Variants in ADAM23 observed in about 807,000 individuals in gnomAD.
ADAM23 encodes the protein disintegrin and metalloproteinase domain-containing protein 23.
A neutral mutation model predicts 120.1 loss-of-function variants in ADAM23; 33 were observed. The ratio of observed to expected loss-of-function variants is 0.27; its 90% CI spans 0.21 to 0.37. The LOEUF is 0.37. ADAM23 is among the 10% of genes least tolerant of loss of function. The probability of loss-of-function intolerance (pLI) is 1.00; values close to 1 mark genes in which losing one functional copy is unlikely to be tolerated. For synonymous variants in ADAM23, 367 were observed against 375.2 expected (o/e 0.98, Z 0.25); for missense variants, 862 against 1,058.2 (o/e 0.81, Z 2.57).
chr2:206,612,182 TG>T, intron 25 of ADAM23, among the ~76,000 whole-genome samples: 1 of 152,228 alleles, frequency 6.6e-6, no homozygotes, highest in East Asian at 1.9e-4. Flanking sequence ...GACCTTAATT[TG>T]CTTTAGATTT....
At chr2:206,482,227 C>T (rs1165953767) in intron 3 of ADAM23, among the ~76,000 whole-genome samples, 3 of 152,138 alleles carry the variant, frequency 2.0e-5, no homozygotes, top group Non-Finnish European at 4.4e-5. Context: ...TGTTCCTTAC[C>T]AAGTGTTATT....
chr2:206,565,189 T>G, intron 14 of ADAM23, 121 bp downstream of exon 14: 1 of 769,798 alleles, frequency 1.3e-6, no homozygotes, highest in Non-Finnish European at 2.1e-6. Flanking sequence ...AATGAATAAT[T>G]AATTGTCTGA....
At chr2:206,616,649 G>A (rs559976337) in intron 25 of ADAM23, among the ~76,000 whole-genome samples, 1 of 152,126 alleles carries the variant, frequency 6.6e-6, no homozygotes, top group East Asian at 1.9e-4. Context: ...TATCCAGCTG[G>A]CCCTCAGTCG....
At chr2:206,477,042 A>G (rs1476975929) in intron 2 of ADAM23, among the ~76,000 whole-genome samples, 3 of 152,148 alleles carry the variant, frequency 2.0e-5, no homozygotes, top group Non-Finnish European at 4.4e-5. Context: ...TTTTATGTCT[A>G]TATTAGCTAT....
chr2:206,535,298 A>T (rs932076809), intron 4 of ADAM23, among the ~76,000 whole-genome samples: 1 of 152,208 alleles, frequency 6.6e-6, no homozygotes, highest in African/African-American at 2.4e-5. Flanking sequence ...AAAATGATGG[A>T]CAATAACAAG....
At chr2:206,523,625 T>G (rs1696888873) in intron 3 of ADAM23, among the ~76,000 whole-genome samples, 1 of 152,152 alleles carries the variant, frequency 6.6e-6, no homozygotes, top group Non-Finnish European at 1.5e-5. Context: ...GTGGTATGAG[T>G]CTATTTTTTT....
intron 18 of ADAM23, among the ~76,000 whole-genome samples, chr2:206,586,855 T>G (rs1342575572): frequency 1.3e-5 from 2 of 152,322 alleles, no homozygotes; most frequent in East Asian, 1.9e-4. Context: ...TAGCACTTAC[T>G]TTGTGTTGAA....
At chr2:206,481,181 C>T (rs1695888099) in intron 2 of ADAM23, 51 bp from the exon 3 acceptor site, 4 of 1,431,366 alleles carry the variant, frequency 2.8e-6, no homozygotes, top group East Asian at 4.6e-5. Context: ...AATAATCTGT[C>T]TTAAAGACAG....
chr2:206,462,454 C>CTG (rs1462083676), intron 2 of ADAM23, among the ~76,000 whole-genome samples: 1 of 152,242 alleles, frequency 6.6e-6, no homozygotes, highest in Non-Finnish European at 1.5e-5. Flanking sequence ...AAGGCAAAGA[C>CTG]TGTATCACAC....
rs1697903394 is a variant in ADAM23 at position 206,567,206 on chromosome 2, A to T, written c.1395-17A>T. ...TTTTGGTAAATTATTTACATAGTTG[A>T]TTCTTTGTTTCCTCAGGGTGTCCCA... is the stretch of plus-strand genomic sequence containing the variant. On this transcript the variant is annotated splice_polypyrimidine_tract_variant and intron_variant, in intron 14 of 25. Transcript: ENST00000264377. The T allele has an allele frequency of 1.3e-6, 2 of 1,574,618 alleles. No individual in the cohort carries two copies. The highest frequency in any genetic ancestry group is 1.1e-5 in the South Asian group (1 of 89,270).
intron 3 of ADAM23, among the ~76,000 whole-genome samples, chr2:206,518,879 A>T (rs1396143191): frequency 1.3e-5 from 2 of 152,188 alleles, no homozygotes; most frequent in Non-Finnish European, 2.9e-5. Context: ...CCCAGTATGC[A>T]ATAGCTGATT....
In ADAM23 at chr2:206,539,364, C is replaced by T. The variant is rs767476226; in HGVS notation, c.574-2688C>T. On this transcript the variant is annotated intron_variant, in intron 4 of 25. Transcript: ENST00000264377. ...GCTGAATCGAGCCCTTTTTGGTTGT[C>T]CCTGCTGCCATTTGCCACGTCACAG... is the stretch of plus-strand genomic sequence containing the variant. 4.6e-5 allele frequency among the ~76,000 whole-genome samples: 7 copies of T among 152,224 alleles called. No individual in the cohort carries two copies. In the East Asian group the frequency reaches 1.4e-3, roughly 29 times the overall value.
At chr2:206,521,582 A>G (rs950883049) in intron 3 of ADAM23, among the ~76,000 whole-genome samples, 5 of 152,196 alleles carry the variant, frequency 3.3e-5, no homozygotes, top group Non-Finnish European at 5.9e-5. Flanking sequence ...GCTCACTGCT[A>G]CATTTGGTAT....
intron 3 of ADAM23, among the ~76,000 whole-genome samples, chr2:206,485,824 T>C (rs918347602): frequency 2.6e-5 from 4 of 152,080 alleles, no homozygotes; most frequent in South Asian, 2.1e-4. Context: ...AGGTGGGGTG[T>C]CCAGCATGAT....
At chr2:206,478,989 C>A (rs1695840288) in intron 2 of ADAM23, among the ~76,000 whole-genome samples, 1 of 152,182 alleles carries the variant, frequency 6.6e-6, no homozygotes. Flanking sequence ...TTGTACCTGC[C>A]CCTCTGGAGA....
At chr2:206,498,515 GACTT>G (rs1696309173) in intron 3 of ADAM23, among the ~76,000 whole-genome samples, 2 of 152,302 alleles carry the variant, frequency 1.3e-5, no homozygotes, top group South Asian at 4.1e-4. Flanking sequence ...ATGGATTAAA[GACTT>G]ACATGTTAGA....
intron 23 of ADAM23, among the ~76,000 whole-genome samples, 191 bp downstream of exon 23, chr2:206,595,096 G>A (rs1370121588): frequency 2.6e-5 from 4 of 152,076 alleles, no homozygotes; most frequent in African/African-American, 9.7e-5. Context: ...CAGAAGAATC[G>A]CTTGAACCCA....
At chr2:206,533,535 T>C (rs913255583) in intron 4 of ADAM23, among the ~76,000 whole-genome samples, 1 of 152,210 alleles carries the variant, frequency 6.6e-6, no homozygotes, top group Non-Finnish European at 1.5e-5. Flanking sequence ...GAAAAGTACA[T>C]GCACACATTG....
chr2:206,587,184 T>C (rs1187709923), intron 18 of ADAM23, 141 bp from the exon 19 acceptor site: 16 of 541,710 alleles, frequency 3.0e-5, no homozygotes, highest in Non-Finnish European at 4.9e-5. Flanking sequence ...TTTGAATTAA[T>C]AACGTATTTA....
Sources: allele counts gnomAD v4.1 joint callset (sites outside exome capture counted in the v4.1 genomes callset), GRCh38; gene constraint gnomAD v4.1.1; transcripts MANE v1.5; gene names NCBI Gene and HGNC (gene_info 2026-07-23, HGNC 2026-07-21).